Variants in THSD7B observed in about 807,000 individuals in gnomAD.
THSD7B encodes thrombospondin type-1 domain-containing protein 7B.
A neutral mutation model predicts 213.6 loss-of-function variants in THSD7B; 138 were observed. That is an observed-to-expected ratio of 0.65 (90% confidence interval 0.56 to 0.74). THSD7B has a LOEUF of 0.74. Among genes scored for constraint, THSD7B ranks in the 30% least tolerant of loss-of-function variants. The pLI is 0.00. For missense variants in THSD7B, 1,931 were observed against 1,991.5 expected (o/e 0.97, Z 0.58); for synonymous variants, 742 against 687.0 (o/e 1.08, Z -1.25).
chr2:136,770,463 A>T (rs771115141), intron 1 of THSD7B, among the ~76,000 whole-genome samples: 1 of 152,214 alleles, frequency 6.6e-6, no homozygotes. Context: ...ACTTGTAAAA[A>T]TATTGAAATA....
chr2:137,420,563 A>G (rs1202729872), intron 14 of THSD7B, among the ~76,000 whole-genome samples: 1 of 152,112 alleles, frequency 6.6e-6, no homozygotes, highest in African/African-American at 2.4e-5. Flanking sequence ...TTGCTAATCC[A>G]TGCTGCCACA....
At chr2:137,086,288 G>C (rs62172280) in intron 3 of THSD7B, among the ~76,000 whole-genome samples, 13,246 of 151,986 alleles carry the variant, frequency 0.087, 711 homozygotes, top group East Asian at 0.17. Flanking sequence ...AATGAGCCAA[G>C]ATCACGCCAT....
chr2:136,802,648 T>TAC (rs1386984366), intron 1 of THSD7B, among the ~76,000 whole-genome samples: 5 of 75,738 alleles, frequency 6.6e-5, no homozygotes, highest in Middle Eastern at 5.7e-3. Context: ...TTTATATATA[T>TAC]ATATATATAT....
intron 15 of THSD7B, among the ~76,000 whole-genome samples, chr2:137,520,365 C>T (rs1002330041): frequency 1.3e-5 from 2 of 152,124 alleles, no homozygotes; most frequent in Non-Finnish European, 1.5e-5. Flanking sequence ...TGAATGCTAA[C>T]CATATGCCAG....
chr2:137,568,759 G>A (rs375385587), intron 16 of THSD7B, among the ~76,000 whole-genome samples: 8 of 152,104 alleles, frequency 5.3e-5, no homozygotes, highest in African/African-American at 1.9e-4. Context: ...CCCATAATCC[G>A]ATCACTTCCC....
intron 2 of THSD7B, among the ~76,000 whole-genome samples, chr2:137,045,553 C>A (rs1686954833): frequency 6.6e-6 from 1 of 152,080 alleles, no homozygotes; most frequent in South Asian, 2.1e-4. Context: ...CTGCAGTTGA[C>A]CATAGGTAAC....
intron 12 of THSD7B, among the ~76,000 whole-genome samples, chr2:137,299,287 C>T (rs536149123): frequency 1.3e-5 from 2 of 152,206 alleles, no homozygotes; most frequent in Middle Eastern, 3.4e-3. Context: ...TACTCAATAC[C>T]TGTACCCCCA....
At chr2:137,280,807 G>A (rs1179126612) in intron 12 of THSD7B, among the ~76,000 whole-genome samples, 3 of 151,994 alleles carry the variant, frequency 2.0e-5, no homozygotes, top group African/African-American at 4.8e-5. Flanking sequence ...ATGCTAAAAC[G>A]TTAGTACTAA....
chr2:137,157,559 A>G (rs556163765), intron 5 of THSD7B, among the ~76,000 whole-genome samples: 102 of 152,246 alleles, frequency 6.7e-4, no homozygotes, highest in African/African-American at 2.3e-3. Context: ...GTCCAAGGCC[A>G]CCCAGAGAAG....
chr2:137,165,871 T>C (rs368917738), intron 6 of THSD7B, among the ~76,000 whole-genome samples: 2 of 151,270 alleles, frequency 1.3e-5, no homozygotes, highest in South Asian at 2.1e-4. Flanking sequence ...ATGTGGAGAG[T>C]AGGAGAGAAT....
chr2:137,083,257 TC>T (rs1687780573), intron 3 of THSD7B, among the ~76,000 whole-genome samples: 1 of 152,122 alleles, frequency 6.6e-6, no homozygotes, highest in Non-Finnish European at 1.5e-5. Context: ...CTAAGTTACC[TC>T]AGCTTAATCT....
chr2:136,900,209 T>G (rs6750726), intron 2 of THSD7B, among the ~76,000 whole-genome samples: 25,296 of 152,186 alleles, frequency 0.17, 2,638 homozygotes, highest in East Asian at 0.47. Context: ...GAGACCAGGA[T>G]CTCTAAACCA....
At chr2:137,446,987 A>G (rs1274856046) in intron 14 of THSD7B, among the ~76,000 whole-genome samples, 1 of 152,126 alleles carries the variant, frequency 6.6e-6, no homozygotes, top group African/African-American at 2.4e-5. Context: ...GGTAAAACTT[A>G]TCCATTCGAA....
chr2:137,436,756 A>C (rs1446866959), intron 14 of THSD7B, among the ~76,000 whole-genome samples: 3 of 152,202 alleles, frequency 2.0e-5, no homozygotes, highest in Non-Finnish European at 4.4e-5. Context: ...ACACAAAAAA[A>C]TTATACCAAA....
chr2:137,590,791 A>ATTTTTTTTTTTTTTTT (rs1573730097), intron 17 of THSD7B, among the ~76,000 whole-genome samples: 1 of 96,942 alleles, frequency 1.0e-5, no homozygotes. Context: ...GCTTTGAAAT[A>ATTTTTTTTTTTTTTTT]GTTTTTTTTT....
intron 3 of THSD7B, among the ~76,000 whole-genome samples, chr2:137,080,460 T>C (rs1213177814): frequency 1.3e-5 from 2 of 151,334 alleles, no homozygotes; most frequent in Non-Finnish European, 2.9e-5. Context: ...GTCATTTGCT[T>C]GCCTTGGCCT....
At chr2:137,435,035 A>G (rs12990963) in intron 14 of THSD7B, among the ~76,000 whole-genome samples, 85,673 of 151,984 alleles carry the variant, frequency 0.56, 27,366 homozygotes, top group East Asian at 0.78. Context: ...TCTTTTTTAA[A>G]GCCTTCTTCT....
intron 12 of THSD7B, among the ~76,000 whole-genome samples, chr2:137,301,825 A>G (rs1456327190): frequency 2.6e-5 from 4 of 152,068 alleles, no homozygotes; most frequent in African/African-American, 9.7e-5. Flanking sequence ...AAGAGGCCAA[A>G]AAGGTGGGGG....
chr2:137,360,645 T>G (rs568500523), intron 12 of THSD7B, among the ~76,000 whole-genome samples: 157 of 152,240 alleles, frequency 1.0e-3, no homozygotes, highest in Non-Finnish European at 1.1e-3. Flanking sequence ...GCGGCAAGCC[T>G]GGCTAGGGGA....
Sources: gnomAD v4.1 joint callset for allele counts (sites outside exome capture counted in the v4.1 genomes callset) on GRCh38, gnomAD v4.1.1 for gene constraint, MANE v1.5 for transcripts, NCBI Gene and HGNC (gene_info 2026-07-23, HGNC 2026-07-21) for gene names.